Variants in CCDC28A observed in about 807,000 individuals in gnomAD.
CCDC28A encodes coiled-coil domain containing 28A.
A neutral mutation model predicts 22.1 loss-of-function variants in CCDC28A; 24 were observed. The observed-to-expected ratio is 1.09, with a 90% CI of 0.79 to 1.53. The LOEUF (loss-of-function observed/expected upper bound fraction) is 1.53, where lower values mean the gene tolerates loss of function less well. Among genes scored for constraint, CCDC28A ranks in the 40% most tolerant of loss-of-function variants. The probability of loss-of-function intolerance (pLI) is 0.00; values close to 1 mark genes in which losing one functional copy is unlikely to be tolerated. For synonymous variants in CCDC28A, 83 were observed against 74.7 expected (o/e 1.11, Z -0.57); for missense variants, 170 against 210.7 (o/e 0.81, Z 1.20).
At chr6:138,787,834 C>T (rs142779250) in intron 4 of CCDC28A, among the ~76,000 whole-genome samples, 61 of 151,078 alleles carry the variant, frequency 4.0e-4, no homozygotes, top group African/African-American at 1.4e-3. Context: ...CCTCTCTCCT[C>T]ATATTCTTGT....
chr6:138,779,136 C>A (rs1054779464), intron 2 of CCDC28A, among the ~76,000 whole-genome samples: 5 of 151,930 alleles, frequency 3.3e-5, no homozygotes, highest in Admixed American at 2.6e-4. Context: ...ACTTGGCTGC[C>A]CGGTGGGGAG....
At chr6:138,784,447 C>A (rs567047908) in intron 3 of CCDC28A, among the ~76,000 whole-genome samples, 2 of 150,208 alleles carry the variant, frequency 1.3e-5, no homozygotes, top group South Asian at 4.2e-4. Context: ...ACCTGCTGGG[C>A]TCAAGCAATC....
At chr6:138,780,593 G>A (rs77490805) in intron 3 of CCDC28A, among the ~76,000 whole-genome samples, 1 of 54,954 alleles carries the variant, frequency 1.8e-5, no homozygotes, top group Non-Finnish European at 3.7e-5. Flanking sequence ...TTTTTTTTTT[G>A]AGACAGAGTC....
In CCDC28A at chr6:138,791,085, T is replaced by TTA. The variant is rs141640524; in HGVS notation, c.501-1652_501-1651dup. Among the ~76,000 whole-genome samples, 257 of 152,026 alleles carry TTA rather than the reference T, an allele frequency of 1.7e-3. 2 individuals carry two copies. The highest frequency in any genetic ancestry group is 5.5e-3 in the African/African-American group (230 of 41,462). On this transcript the variant is annotated intron_variant, in intron 5 of 5. Coordinates refer to ENST00000617445, the MANE Select transcript of CCDC28A (RefSeq NM_015439.3). ...ACATGTTGAAATAATTCTTAAAATG[T>TTA]TATATATATATATTTCTGAGACAGG...
intron 5 of CCDC28A, among the ~76,000 whole-genome samples, chr6:138,790,924 T>C (rs1038315585): frequency 3.3e-5 from 5 of 152,200 alleles, no homozygotes; most frequent in African/African-American, 1.2e-4. Flanking sequence ...TCCAGGACCT[T>C]GTCACCTGAT....
intron 2 of CCDC28A, among the ~76,000 whole-genome samples, chr6:138,777,077 G>A (rs1023042758): frequency 6.6e-6 from 1 of 152,156 alleles, no homozygotes; most frequent in East Asian, 1.9e-4. Flanking sequence ...ATATTTGGAA[G>A]GGAAGATTAT....
Position 138,785,526 on chromosome 6 carries a change from C to T in CCDC28A, c.477+145C>T. On this transcript the variant is annotated intron_variant, in intron 4 of 5. Coordinates refer to ENST00000617445, the MANE Select transcript of CCDC28A (RefSeq NM_015439.3). ...CCGATCGCTGTTGAATTGCGGAACA[C>T]GTTCACCACCCCAGAAAGAAACCCT... The T allele has an allele frequency of 5.0e-6, 3 of 597,962 alleles. No homozygotes were observed. The South Asian group carries it at 6.8e-5, about 14-fold the overall frequency. 37.0% of individuals were successfully genotyped at this position (597,962 alleles called of 1,614,324 possible). A position where few individuals can be genotyped will look rare whatever the true frequency, so the allele number is the denominator to read the frequency against.
At chr6:138,783,728 G>A (rs1189454977) in intron 3 of CCDC28A, among the ~76,000 whole-genome samples, 4 of 150,456 alleles carry the variant, frequency 2.7e-5, no homozygotes, top group Admixed American at 6.6e-5. Flanking sequence ...GTGAGCCACC[G>A]CGCCTGGCCT....
intron 2 of CCDC28A, among the ~76,000 whole-genome samples, chr6:138,779,491 T>A (rs1774984799): frequency 1.3e-5 from 2 of 152,204 alleles, no homozygotes; most frequent in African/African-American, 2.4e-5. Context: ...AAGGGAAAGG[T>A]GTAATATGTT....
chr6:138,783,966 T>C (rs1477777677), intron 3 of CCDC28A, among the ~76,000 whole-genome samples: 5 of 142,884 alleles, frequency 3.5e-5, no homozygotes, highest in African/African-American at 7.9e-5. Flanking sequence ...AGCCTCAACC[T>C]CCCCAGGCTT....
intron 5 of CCDC28A, among the ~76,000 whole-genome samples, chr6:138,792,152 C>T (rs1775179273): frequency 6.6e-6 from 1 of 152,156 alleles, no homozygotes; most frequent in Non-Finnish European, 1.5e-5. Flanking sequence ...GTGGTGTCTT[C>T]TCAAAAGATT....
intron 3 of CCDC28A, 44 bp from the exon 4 acceptor site, chr6:138,785,183 T>C (rs117540720): frequency 1.3e-5 from 19 of 1,468,200 alleles, no homozygotes; most frequent in Non-Finnish European, 1.8e-5. Context: ...TGCTGTTAGT[T>C]TGAACTGTCC....
rs1360812626 is a variant in CCDC28A at position 138,793,088 on chromosome 6, G to A, written c.*285G>A. The A allele has an allele frequency of 1.1e-5, 4 of 368,036 alleles. No individual in the cohort carries two copies. The highest frequency in any genetic ancestry group is 8.4e-5 in the African/African-American group (4 of 47,680). 22.8% of individuals were successfully genotyped at this position (368,036 alleles called of 1,614,324 possible). ...TATGGGATTATACTTGAAATGCATT[G>A]TGCTGATGTTCTTGACAGGGCGGAG... On this transcript the variant is annotated 3_prime_UTR_variant, in exon 6 of 6. Coordinates refer to ENST00000617445, the MANE Select transcript of CCDC28A (RefSeq NM_015439.3).
In CCDC28A at chr6:138,792,794, T is replaced by C. The variant is rs1775192112; in HGVS notation, c.546T>C (p.Ser182=). 1 of 1,607,470 alleles carries C rather than the reference T, an allele frequency of 6.2e-7. No individual in the cohort carries two copies. The highest frequency in any genetic ancestry group is 8.5e-7 in the Non-Finnish European group (1 of 1,176,182). ...ATGCACAAGATGTTCCAAATACTTC[T>C]GCTAGCTAAAATGAAATGTAGTTTG... ...LADAQDVPNT[S]AS The change falls in exon 6 of 6, where the codon TCT becomes TCC. Residue 182 remains serine, a synonymous_variant. Transcript: ENST00000617445.
chr6:138,779,206 A>G (rs957888308), intron 2 of CCDC28A, among the ~76,000 whole-genome samples: 2 of 152,190 alleles, frequency 1.3e-5, no homozygotes, highest in African/African-American at 4.8e-5. Flanking sequence ...TTTGGTTAAG[A>G]GATGGGATGG....
At chr6:138,781,493 T>G (rs965767705) in intron 3 of CCDC28A, among the ~76,000 whole-genome samples, 12 of 152,226 alleles carry the variant, frequency 7.9e-5, no homozygotes, top group African/African-American at 2.9e-4. Context: ...TGCAGATTGC[T>G]TTGCAAAAAG....
intron 4 of CCDC28A, among the ~76,000 whole-genome samples, chr6:138,787,301 A>T (rs112200009): frequency 0.012 from 1,875 of 152,284 alleles, 46 homozygotes; most frequent in African/African-American, 0.042. Context: ...CCCTTCTACC[A>T]TGTGAGGACA....
chr6:138,774,028 G>A, intron 1 of CCDC28A, 126 bp downstream of exon 1: 1 of 1,186,298 alleles, frequency 8.4e-7, no homozygotes, highest in East Asian at 2.5e-5. Context: ...GGGGAATGAG[G>A]TGATGTCAAG....
intron 5 of CCDC28A, among the ~76,000 whole-genome samples, chr6:138,791,549 A>T (rs1248444010): frequency 6.6e-6 from 1 of 152,142 alleles, no homozygotes; most frequent in South Asian, 2.1e-4. Context: ...ACCTGTATGC[A>T]CATGCTGTTG....
Sources: allele counts gnomAD v4.1 joint callset (sites outside exome capture counted in the v4.1 genomes callset), GRCh38; gene constraint gnomAD v4.1.1; transcripts MANE v1.5; gene names NCBI Gene and HGNC (gene_info 2026-07-23, HGNC 2026-07-21).